The following HOMER1 variants were observed in gnomAD, a reference collection of about 807,000 sequenced individuals.
HOMER1 encodes homer scaffold protein 1.
HOMER1 carries 3 observed loss-of-function variants against 48.9 expected under a neutral mutation model. The ratio of observed to expected loss-of-function variants is 0.06; its 90% CI spans 0.03 to 0.16. HOMER1 has a LOEUF of 0.16. Among genes scored for constraint, HOMER1 ranks in the 10% least tolerant of loss-of-function variants. HOMER1 has a pLI of 1.00. For missense variants in HOMER1, 247 were observed against 411.4 expected, an observed-to-expected ratio of 0.60 and a Z score of 3.46; for synonymous variants, 134 against 146.4, an observed-to-expected ratio of 0.92 and a Z score of 0.61.
chr5:79,439,249 T>C, intron 4 of HOMER1, 100 bp from the exon 5 acceptor site: 1 of 1,022,050 alleles, frequency 9.8e-7, no homozygotes, highest in Non-Finnish European at 1.4e-6. Flanking sequence ...TGCTTACTGA[T>C]GAACCAAATT....
At chr5:79,423,053 G>A (rs1421984049) in intron 5 of HOMER1, among the ~76,000 whole-genome samples, 2 of 152,092 alleles carry the variant, frequency 1.3e-5, no homozygotes, top group Non-Finnish European at 2.9e-5. Context: ...TGATTCACAG[G>A]TGAGATATCA....
chr5:79,435,603 G>A (rs987949658), intron 5 of HOMER1, among the ~76,000 whole-genome samples: 13 of 152,232 alleles, frequency 8.5e-5, no homozygotes, highest in Admixed American at 7.2e-4. Flanking sequence ...AGGCTGAGGC[G>A]GGTGGATCAT....
At chr5:79,510,881 C>T in intron 1 of HOMER1, 2 of 686,500 alleles carry the variant, frequency 2.9e-6, no homozygotes, top group Non-Finnish European at 2.6e-6. Context: ...CAGGCCCCTA[C>T]AGAGGCTTCA....
At chr5:79,495,536 C>A (rs1047957122) in intron 1 of HOMER1, among the ~76,000 whole-genome samples, 3 of 152,180 alleles carry the variant, frequency 2.0e-5, no homozygotes, top group Admixed American at 2.0e-4. Flanking sequence ...TGGCTATCTA[C>A]TTATCTTTGT....
chr5:79,451,698 T>C (rs1455986754), intron 2 of HOMER1, among the ~76,000 whole-genome samples: 1 of 151,276 alleles, frequency 6.6e-6, no homozygotes, highest in Non-Finnish European at 1.5e-5. Flanking sequence ...CCTGAGTAGC[T>C]GGGACTACAG....
At chr5:79,383,697 A>C (rs1749038215) in intron 8 of HOMER1, among the ~76,000 whole-genome samples, 1 of 152,092 alleles carries the variant, frequency 6.6e-6, no homozygotes, top group Non-Finnish European at 1.5e-5. Flanking sequence ...AGAACATCTT[A>C]TACAACAATT....
chr5:79,399,765 C>T (rs1181203689), intron 6 of HOMER1, among the ~76,000 whole-genome samples: 1 of 151,926 alleles, frequency 6.6e-6, no homozygotes, highest in Non-Finnish European at 1.5e-5. Flanking sequence ...TCTGAAAAAA[C>T]AGTAAAATGT....
intron 5 of HOMER1, among the ~76,000 whole-genome samples, chr5:79,430,636 G>A (rs1325350051): frequency 1.3e-5 from 2 of 152,142 alleles, no homozygotes; most frequent in Non-Finnish European, 2.9e-5. Context: ...ATCAACTGAT[G>A]GATGGATAAA....
intron 8 of HOMER1, among the ~76,000 whole-genome samples, chr5:79,376,415 C>CTT (rs1464654447): frequency 6.6e-6 from 1 of 152,084 alleles, no homozygotes; most frequent in African/African-American, 2.4e-5. Flanking sequence ...TCTATCTAAC[C>CTT]ACTCAACGAA....
At chr5:79,502,916 G>T (rs951683347) in intron 1 of HOMER1, among the ~76,000 whole-genome samples, 1 of 152,034 alleles carries the variant, frequency 6.6e-6, no homozygotes, top group African/African-American at 2.4e-5. Flanking sequence ...TCAGCCTCCC[G>T]AGTAGCTGTG....
intron 1 of HOMER1, among the ~76,000 whole-genome samples, chr5:79,480,344 G>A (rs1264640623): frequency 1.3e-5 from 2 of 152,012 alleles, no homozygotes; most frequent in Non-Finnish European, 2.9e-5. Flanking sequence ...AGATATAAAA[G>A]TAGATTTAAA....
At chr5:79,410,406 G>A (rs568525069) in intron 5 of HOMER1, among the ~76,000 whole-genome samples, 34 of 150,600 alleles carry the variant, frequency 2.3e-4, no homozygotes, top group South Asian at 1.5e-3. Flanking sequence ...CATGAGAATC[G>A]CTTGAACCCA....
intron 8 of HOMER1, among the ~76,000 whole-genome samples, chr5:79,383,237 CAGAT>C (rs1263201447): frequency 6.6e-6 from 1 of 152,080 alleles, no homozygotes; most frequent in African/African-American, 2.4e-5. Context: ...GATTGAAAGA[CAGAT>C]AGATTCCAAT....
chr5:79,425,071 T>C (rs527964470), intron 5 of HOMER1, among the ~76,000 whole-genome samples: 19 of 152,156 alleles, frequency 1.2e-4, no homozygotes, highest in Middle Eastern at 3.4e-3. Flanking sequence ...TTGGGTCTTT[T>C]TAAATTTTCA....
chr5:79,466,702 T>C (rs188322161), intron 1 of HOMER1, among the ~76,000 whole-genome samples: 16 of 152,196 alleles, frequency 1.1e-4, no homozygotes, highest in Middle Eastern at 3.4e-3. Context: ...ATTGTTAATA[T>C]AGGTAGTACT....
chr5:79,469,683 T>C (rs1329735622), intron 1 of HOMER1, among the ~76,000 whole-genome samples: 2 of 152,106 alleles, frequency 1.3e-5, no homozygotes, highest in Non-Finnish European at 2.9e-5. Flanking sequence ...TTTTTTATTT[T>C]TAAGAGATGG....
At chr5:79,511,135 G>A (rs1186695502) in intron 1 of HOMER1, among the ~76,000 whole-genome samples, 1 of 152,190 alleles carries the variant, frequency 6.6e-6, no homozygotes, top group African/African-American at 2.4e-5. Context: ...TAGACAAAAT[G>A]CAGCCATCAA....
intron 1 of HOMER1, among the ~76,000 whole-genome samples, chr5:79,465,133 T>C (rs1350114749): frequency 6.6e-6 from 1 of 152,004 alleles, no homozygotes; most frequent in African/African-American, 2.4e-5. Flanking sequence ...GCCCATGAGT[T>C]CCAGACCAGG....
chr5:79,423,665 G>A (rs1750165070), intron 5 of HOMER1, among the ~76,000 whole-genome samples: 1 of 152,074 alleles, frequency 6.6e-6, no homozygotes, highest in African/African-American at 2.4e-5. Flanking sequence ...TAAGTCTCAT[G>A]CTCAGCCATG....
Sources: allele counts gnomAD v4.1 joint callset (sites outside exome capture counted in the v4.1 genomes callset), GRCh38; gene constraint gnomAD v4.1.1; transcripts MANE v1.5; gene names NCBI Gene and HGNC (gene_info 2026-07-23, HGNC 2026-07-21).